Variants in KCNU1 observed in about 807,000 individuals in gnomAD.
KCNU1 encodes the protein potassium channel subfamily U member 1.
Under a neutral mutation model 126.8 loss-of-function variants are expected in KCNU1, and 93 were observed. The observed-to-expected ratio is 0.73, with a 90% confidence interval of 0.62 to 0.87. The LOEUF (loss-of-function observed/expected upper bound fraction) is 0.87. Among genes scored for constraint, KCNU1 ranks in the 40% least tolerant of loss-of-function variants. KCNU1 has a pLI of 0.00. For missense variants in KCNU1, 1,330 were observed against 1,367.1 expected, an observed-to-expected ratio of 0.97 and a Z score of 0.43; for synonymous variants, 523 against 494.2, an observed-to-expected ratio of 1.06 and a Z score of -0.77.
At chr8:36,901,905 C>G (rs1440666183) in intron 19 of KCNU1, among the ~76,000 whole-genome samples, 3 of 152,088 alleles carry the variant, frequency 2.0e-5, no homozygotes, top group Non-Finnish European at 4.4e-5. Context: ...TGAATGGTAC[C>G]CCGTGGCTAC....
intron 18 of KCNU1, among the ~76,000 whole-genome samples, chr8:36,860,283 T>C (rs1371858503): frequency 6.6e-6 from 1 of 152,124 alleles, no homozygotes; most frequent in African/African-American, 2.4e-5. Flanking sequence ...TTCACCATGT[T>C]AGCCAGGATG....
At chr8:36,905,849 T>C (rs1807605558) in intron 20 of KCNU1, 45 bp downstream of exon 20, 2 of 904,974 alleles carry the variant, frequency 2.2e-6, no homozygotes, top group South Asian at 3.2e-5. Flanking sequence ...ATAAAGCATT[T>C]CGTAGGGTAA....
intron 19 of KCNU1, among the ~76,000 whole-genome samples, chr8:36,880,302 C>T (rs973366582): frequency 1.3e-5 from 2 of 152,106 alleles, no homozygotes; most frequent in African/African-American, 4.8e-5. Context: ...AAACCTGTCA[C>T]AAGGAAATGT....
At chr8:36,855,696 G>C (rs1209130030) in intron 18 of KCNU1, among the ~76,000 whole-genome samples, 2 of 151,848 alleles carry the variant, frequency 1.3e-5, no homozygotes, top group African/African-American at 4.8e-5. Context: ...ATTCTCACAA[G>C]TTTTGCCAGT....
intron 2 of KCNU1, among the ~76,000 whole-genome samples, chr8:36,792,660 C>A (rs1210664991): frequency 1.3e-5 from 2 of 152,044 alleles, no homozygotes; most frequent in East Asian, 3.8e-4. Context: ...TGACACATAT[C>A]TCATAGAAAT....
At chr8:36,919,780 G>A (rs1461835612) in intron 23 of KCNU1, among the ~76,000 whole-genome samples, 3 of 152,198 alleles carry the variant, frequency 2.0e-5, no homozygotes, top group African/African-American at 7.2e-5. Flanking sequence ...TGCATAATGG[G>A]CATTTTATGA....
Position 36,836,319 on chromosome 8 carries a change from A to C in KCNU1, c.1319A>C (p.Asp440Ala), listed in dbSNP as rs772984384. 1.2e-6 allele frequency: 2 copies of C among 1,608,176 alleles called. No individual in the cohort carries two copies. The highest frequency in any genetic ancestry group is 1.7e-6 in the Non-Finnish European group (2 of 1,175,376). ...AGGGTGCTCTCTATCAAGAACTATG[A>C]TTCTACCACCAGAATCATCATACAG... ...IMRVLSIKNYDSTTRIIIQIL... is the reference protein window; with the variant it reads ...IMRVLSIKNYASTTRIIIQIL... Residue 440 changes from aspartate to alanine, a missense_variant, in exon 13 of 27, where the codon GAT becomes GCT. Physicochemically the swap from Asp to Ala is moderately radical, Grantham distance 126. Around this residue, in one of 3 missense-constraint regions of KCNU1, gnomAD observed 1,054 missense variants for 1,053.9 expected, o/e 1.00. Transcript: ENST00000399881.
rs562918810 is a variant in KCNU1 at position 36,909,469 on chromosome 8, G to C, written c.2265G>C (p.Gly755=). The C allele has an allele frequency of 6.2e-7, 1 of 1,613,514 alleles. No individual in the cohort carries two copies. The highest frequency in any genetic ancestry group is 1.7e-5 in the Admixed American group (1 of 60,006). ...RKELKDIVFI[G]SLDYLQREWR... ...AGCTGAAGGACATAGTGTTCATTGG[G>C]TCTCTGGACTATCTACAGAGAGAAT... The change falls in exon 21 of 27, where the codon GGG becomes GGC. Residue 755 remains glycine, a synonymous_variant. Transcript: ENST00000399881.
intron 12 of KCNU1, 104 bp from the exon 13 acceptor site, chr8:36,836,192 T>G: frequency 1.4e-6 from 1 of 714,002 alleles, no homozygotes; most frequent in South Asian, 1.9e-5. Context: ...TATGCCAAGT[T>G]TTTCTACACT....
chr8:36,802,320 TAGGAC>T (rs1211377260), intron 2 of KCNU1, among the ~76,000 whole-genome samples: 1 of 151,994 alleles, frequency 6.6e-6, no homozygotes, highest in Non-Finnish European at 1.5e-5. Context: ...ATCTCAAACT[TAGGAC>T]AGGAAGCTGA....
intron 22 of KCNU1, among the ~76,000 whole-genome samples, chr8:36,912,363 G>C (rs1204296958): frequency 1.3e-5 from 2 of 152,302 alleles, no homozygotes; most frequent in East Asian, 3.9e-4. Flanking sequence ...TCAGCTATTA[G>C]ACAGACCTTC....
chr8:36,813,937 C>A (rs1040407915), intron 7 of KCNU1, among the ~76,000 whole-genome samples: 2 of 152,124 alleles, frequency 1.3e-5, no homozygotes, highest in African/African-American at 4.8e-5. Context: ...AGGCATCTGT[C>A]CCCGGTGGAG....
chr8:36,889,073 T>G (rs950862628), intron 19 of KCNU1: 5 of 524,998 alleles, frequency 9.5e-6, no homozygotes, highest in African/African-American at 7.7e-5. Context: ...GAGACAGGGT[T>G]TCACCATGTT....
chr8:36,817,605 C>T (rs377701743), intron 9 of KCNU1, 45 bp from the exon 10 acceptor site: 318 of 935,634 alleles, frequency 3.4e-4, no homozygotes, highest in Non-Finnish European at 5.0e-4. Flanking sequence ...CAGGAAGGTG[C>T]TTATGTGCCT....
In KCNU1 at chr8:36,788,867, G is replaced by T. The variant is rs1802803864; in HGVS notation, c.315+1442G>T. On this transcript the variant is annotated intron_variant, in intron 2 of 26. Transcript: ENST00000399881. ...GAATAATATATTAAAGGTCACTAGG[G>T]TGAGGGAGAAGGGAACTTACAACAT... Among the ~76,000 whole-genome samples the T allele has an allele frequency of 2.0e-5, 3 of 152,178 alleles. No individual in the cohort carries two copies. The South Asian group carries it at 6.2e-4, about 32-fold the overall frequency.
At chr8:36,820,087 T>A (rs549718526) in intron 10 of KCNU1, among the ~76,000 whole-genome samples, 1 of 152,164 alleles carries the variant, frequency 6.6e-6, no homozygotes, top group African/African-American at 2.4e-5. Context: ...AACAGTCATG[T>A]GTATAGCCAC....
At chr8:36,816,906 A>G (rs1803932945) in intron 9 of KCNU1, among the ~76,000 whole-genome samples, 1 of 151,730 alleles carries the variant, frequency 6.6e-6, no homozygotes, top group African/African-American at 2.4e-5. Flanking sequence ...TGAGAAATGG[A>G]AAAATTGATG....
Position 36,913,817 on chromosome 8 carries a change from A to G in KCNU1, c.2521+2698A>G, listed in dbSNP as rs558188430. On this transcript the variant is annotated intron_variant, in intron 22 of 26. Transcript: ENST00000399881. ...GGGGTTTCACCGTGTTAGCCAGGATAGTCTCGATCTCCTGACCTTGTGATC... is the reference window on the plus strand; with the variant it reads ...GGGGTTTCACCGTGTTAGCCAGGATGGTCTCGATCTCCTGACCTTGTGATC... Among the ~76,000 whole-genome samples, 115 of 151,908 alleles carry G rather than the reference A, an allele frequency of 7.6e-4. 1 individual carries two copies. Among genetic ancestry groups the G allele is most frequent in the Admixed American group, 2.3e-3 (35 of 15,242 alleles).
At position 36,935,564 on chromosome 8, in the gene KCNU1, C is replaced by G. The variant is rs532321401; in HGVS notation, c.3094C>G (p.Leu1032Val). The change falls in exon 27 of 27, where the codon CTT (leucine) becomes GTT (valine). Residue 1032 changes from leucine to valine, a missense_variant. By Grantham distance (32) the Leu-to-Val change is conservative. Around this residue, in one of 3 missense-constraint regions of KCNU1, gnomAD observed 1,054 missense variants for 1,053.9 expected, o/e 1.00. Coordinates refer to ENST00000399881, the MANE Select transcript of KCNU1 (RefSeq NM_001031836.3). ...ANEFKLLPSD[L>V]VFCAIPFSTA... is the part of the protein sequence containing the mutation. The stretch of plus-strand genomic sequence containing the variant: ...TGAGTTCAAGCTGCTGCCTTCAGAT[C>G]TTGTGTTTTGTGCCATACCCTTCAG... The G allele has an allele frequency of 1.9e-6, 3 of 1,612,408 alleles. No homozygotes were observed. The highest frequency in any genetic ancestry group is 2.5e-6 in the Non-Finnish European group (3 of 1,178,932).
Sources: gnomAD v4.1 joint callset for allele counts (sites outside exome capture counted in the v4.1 genomes callset) on GRCh38, gnomAD v4.1.1 for gene constraint, gnomAD v4.1.1 regional missense constraint, MANE v1.5 for transcripts, NCBI Gene and HGNC (gene_info 2026-07-23, HGNC 2026-07-21) for gene names.